Variants in ACACA observed in about 807,000 individuals in gnomAD.
ACACA encodes acetyl-CoA carboxylase 1.
Under a neutral mutation model 296.1 loss-of-function variants are expected in ACACA, and 103 were observed. The observed-to-expected ratio is 0.35, with a 90% CI of 0.30 to 0.41. The LOEUF is 0.41. Among genes scored for constraint, ACACA ranks in the 10% least tolerant of loss-of-function variants. The pLI, the probability that ACACA is intolerant of heterozygous loss-of-function variation, is 1.00. For synonymous variants in ACACA, 953 were observed against 1,038.6 expected, an observed-to-expected ratio of 0.92 and a Z score of 1.58; for missense variants, 1,554 against 2,989.7, an observed-to-expected ratio of 0.52 and a Z score of 11.20.
intron 50 of ACACA, among the ~76,000 whole-genome samples, chr17:37,117,047 G>T (rs2074292045): frequency 6.6e-6 from 1 of 152,224 alleles, no homozygotes; most frequent in Non-Finnish European, 1.5e-5. Context: ...AACCTTTGCA[G>T]TGTGCTCTCA....
intron 44 of ACACA, 126 bp downstream of exon 44, chr17:37,151,175 A>G (rs1344341819): frequency 2.8e-6 from 3 of 1,086,402 alleles, no homozygotes; most frequent in Admixed American, 2.2e-5. Context: ...TGATTAAAAT[A>G]TAATTATAGA....
At chr17:37,377,855 T>A in intron 1 of ACACA, 7 of 1,433,138 alleles carry the variant, frequency 4.9e-6, no homozygotes, top group East Asian at 2.4e-5. Flanking sequence ...CCGGTTCCCC[T>A]CCTCCCCCTC....
At chr17:37,095,498 A>T (rs897482442) in intron 54 of ACACA, among the ~76,000 whole-genome samples, 1 of 152,264 alleles carries the variant, frequency 6.6e-6, no homozygotes, top group African/African-American at 2.4e-5. Context: ...TAAAACTGAC[A>T]GCAAATCTGG....
At chr17:37,144,054 A>G in intron 45 of ACACA, 1 of 768,522 alleles carries the variant, frequency 1.3e-6, no homozygotes, top group Admixed American at 1.7e-5. Context: ...TCTCCCCTTC[A>G]GGAGGGACGT....
At position 37,125,731 on chromosome 17, in the gene ACACA, G is replaced by A; in HGVS notation, c.6008C>T (p.Pro2003Leu). Reference protein sequence around the residue: ...DYGSFSEIMQPWAQTVVVGRA... With the variant: ...DYGSFSEIMQLWAQTVVVGRA... The stretch of plus-strand genomic sequence containing the variant: ...ACCAACCACCACAGTCTGTGCCCAG[G>A]GCTGCATAATCTCTGAGAAAGATCC... The change falls in exon 48 of 56, where the codon CCC becomes CTC. Residue 2003 changes from proline to leucine, a missense_variant. By Grantham distance (98) the Pro-to-Leu change is moderately conservative. This residue lies in a region of ACACA where 553 missense variants were observed against 1,043.6 expected (regional missense o/e 0.53). Coordinates refer to ENST00000616317, the MANE Select transcript of ACACA (RefSeq NM_198834.3). The A allele has an allele frequency of 6.2e-7, 1 of 1,614,012 alleles. No individual in the cohort carries two copies. The highest frequency in any genetic ancestry group is 8.5e-7 in the Non-Finnish European group (1 of 1,179,992).
chr17:37,113,238 C>T lies in ACACA; in HGVS notation c.6302G>A (p.Gly2101Asp). Residue 2101 changes from glycine to aspartate, a missense_variant, in exon 51 of 56, where the codon GGT becomes GAT. Gly to Asp is a moderately conservative substitution (Grantham distance 94). Coordinates refer to ENST00000616317, the MANE Select transcript of ACACA (RefSeq NM_198834.3). The surrounding 1 kb of genome is among the most constrained non-coding windows in gnomAD (Gnocchi z 4.0). ...CCTCAAGCCATCCACAATGTAAGCA[C>T]CAAACTTCAGCACTTGGTCGTACAT... ...KDMYDQVLKF[G>D]AYIVDGLREC... 6.2e-7 allele frequency: 1 copy of T among 1,614,200 alleles called. No individual in the cohort carries two copies. The highest frequency in any genetic ancestry group is 8.5e-7 in the Non-Finnish European group (1 of 1,180,022).
chr17:37,382,762 A>C (rs1300623856), intron 1 of ACACA, among the ~76,000 whole-genome samples: 2 of 152,224 alleles, frequency 1.3e-5, no homozygotes, highest in African/African-American at 4.8e-5. Context: ...CAGGAGGCTG[A>C]GACAGAAGAA....
At chr17:37,127,294 C>A (rs1323981431) in intron 47 of ACACA, among the ~76,000 whole-genome samples, 1 of 152,170 alleles carries the variant, frequency 6.6e-6, no homozygotes, top group East Asian at 1.9e-4. Context: ...CTAATTCTTA[C>A]TTCAATAACA....
chr17:37,085,471 G>A lies in ACACA; in HGVS notation c.*1845C>T. The A allele has an allele frequency of 2.5e-6, 1 of 397,452 alleles. No homozygotes were observed. Among genetic ancestry groups the A allele is most frequent in the Non-Finnish European group, 4.4e-6 (1 of 225,874 alleles). The allele number at this position is 397,452 out of a possible 1,614,324, so 24.6% of individuals were successfully genotyped here. The stretch of plus-strand genomic sequence containing the variant: ...TACCACTTGTAGATATGTGGGATTT[G>A]ATTTATTGCAAAAAAGCATAGAAGA... On this transcript the variant is annotated 3_prime_UTR_variant, in exon 56 of 56. Transcript: ENST00000616317.
At chr17:37,318,695 A>T (rs1306938278) in intron 3 of ACACA, among the ~76,000 whole-genome samples, 1 of 152,210 alleles carries the variant, frequency 6.6e-6, no homozygotes, top group Non-Finnish European at 1.5e-5. Context: ...AAAAATTTTT[A>T]TCTTATAAAA....
At chr17:37,178,876 A>C (rs77562010) in intron 41 of ACACA, among the ~76,000 whole-genome samples, 3,138 of 152,284 alleles carry the variant, frequency 0.021, 110 homozygotes, top group African/African-American at 0.072. Context: ...ATCTATTTTC[A>C]TGTACCTATC....
chr17:37,320,342 C>G (rs1032526816), intron 3 of ACACA, among the ~76,000 whole-genome samples: 1 of 151,542 alleles, frequency 6.6e-6, no homozygotes, highest in African/African-American at 2.4e-5. Context: ...GAAACCCTGT[C>G]TCTACTAAAA....
chr17:37,326,639 T>C (rs966685843), intron 3 of ACACA, among the ~76,000 whole-genome samples: 3 of 151,804 alleles, frequency 2.0e-5, no homozygotes, highest in Non-Finnish European at 4.4e-5. Flanking sequence ...GAGACCAGTC[T>C]GGCCAACACG....
At chr17:37,378,504 C>T (rs760522038) in intron 1 of ACACA, among the ~76,000 whole-genome samples, 2 of 150,702 alleles carry the variant, frequency 1.3e-5, no homozygotes, top group East Asian at 2.0e-4. Flanking sequence ...CTTGAGCTTA[C>T]GAGTTTGAGA....
intron 15 of ACACA, 63 bp downstream of exon 15, chr17:37,252,823 G>A: frequency 3.8e-6 from 6 of 1,593,104 alleles, no homozygotes; most frequent in Non-Finnish European, 5.2e-6. Context: ...TGTAGTGACA[G>A]GGATTGAGTA....
rs971125096 is a variant in ACACA, at chr17:37,140,417, C to T, written c.5679+9447G>A. 3.3e-5 allele frequency among the ~76,000 whole-genome samples: 5 copies of T among 151,726 alleles called. No individual in the cohort carries two copies. The South Asian group carries it at 1.0e-3, about 32-fold the overall frequency. On this transcript the variant is annotated intron_variant, in intron 45 of 55. Transcript: ENST00000616317. The stretch of plus-strand genomic sequence containing the variant: ...ATACGCAATAACTTTAAAAATTCCC[C>T]ACCTCCTATCTATTCACTCCCCAGC...
At chr17:37,111,915 C>G (rs2073991816) in intron 51 of ACACA, among the ~76,000 whole-genome samples, 1 of 152,132 alleles carries the variant, frequency 6.6e-6, no homozygotes, top group Admixed American at 6.5e-5. Flanking sequence ...AATACAGATT[C>G]CACCACCTAC....
At chr17:37,217,734 C>CAAAAAAAAAAAAAAAAAAAAA (rs57846347) in intron 29 of ACACA, among the ~76,000 whole-genome samples, 1 of 29,372 alleles carries the variant, frequency 3.4e-5, no homozygotes, top group Non-Finnish European at 5.2e-5. Flanking sequence ...GACTCCATCT[C>CAAAAAAAAAAAAAAAAAAAAA]AAAAAAAAAA....
At chr17:37,190,157 G>A (rs1165879190) in intron 38 of ACACA, among the ~76,000 whole-genome samples, 5 of 152,052 alleles carry the variant, frequency 3.3e-5, no homozygotes, top group East Asian at 1.9e-4. Context: ...GGCCAGGCAC[G>A]GTGGCTCACA....
Sources: gnomAD v4.1 joint callset for allele counts (sites outside exome capture counted in the v4.1 genomes callset) on GRCh38, gnomAD v4.1.1 for gene constraint, gnomAD v4.1.1 regional missense constraint, Gnocchi (gnomAD v3.1) non-coding constraint, MANE v1.5 for transcripts, NCBI Gene and HGNC (gene_info 2026-07-23, HGNC 2026-07-21) for gene names.